Variants in BTBD9 observed in about 807,000 individuals in gnomAD.
The protein encoded by BTBD9 is BTB/POZ domain-containing protein 9.
In BTBD9, 49 loss-of-function variants were observed where a neutral mutation model predicts 64.3. That is an observed-to-expected ratio of 0.76 (90% CI 0.61 to 0.97). The LOEUF (loss-of-function observed/expected upper bound fraction) is 0.97, where lower values mean the gene tolerates loss of function less well. Among genes scored for constraint, BTBD9 ranks in the 50% least tolerant of loss-of-function variants. The pLI is 0.00. For synonymous variants in BTBD9, 260 were observed against 274.7 expected (o/e 0.95, Z 0.53); for missense variants, 598 against 762.1 (o/e 0.78, Z 2.53).
At chr6:38,226,641 T>G (rs1200163542) in intron 9 of BTBD9, among the ~76,000 whole-genome samples, 3 of 152,174 alleles carry the variant, frequency 2.0e-5, no homozygotes, top group Admixed American at 1.3e-4. Flanking sequence ...GGCAAGGTTT[T>G]TGACTCTGGA....
At chr6:38,239,686 C>T (rs564017330) in intron 9 of BTBD9, among the ~76,000 whole-genome samples, 3 of 152,226 alleles carry the variant, frequency 2.0e-5, no homozygotes, top group Non-Finnish European at 4.4e-5. Context: ...AACCATGACA[C>T]ATTTTGGTCA....
At chr6:38,331,039 T>C (rs1763654874) in intron 7 of BTBD9, among the ~76,000 whole-genome samples, 1 of 152,070 alleles carries the variant, frequency 6.6e-6, no homozygotes, top group Non-Finnish European at 1.5e-5. Flanking sequence ...AAAAAATGAC[T>C]GATAGGAATA....
At chr6:38,206,226 T>TG (rs1373434400) in intron 9 of BTBD9, among the ~76,000 whole-genome samples, 3 of 151,868 alleles carry the variant, frequency 2.0e-5, no homozygotes, top group Non-Finnish European at 4.4e-5. Context: ...AAGCAATTTT[T>TG]TTTTTTTGGA....
chr6:38,505,605 C>T (rs1406544965), intron 6 of BTBD9, among the ~76,000 whole-genome samples: 1 of 149,478 alleles, frequency 6.7e-6, no homozygotes, highest in Non-Finnish European at 1.5e-5. Context: ...GCCTGAGCGA[C>T]ACAGCGAGAC....
At chr6:38,232,038 C>T (rs1226640033) in intron 9 of BTBD9, among the ~76,000 whole-genome samples, 1 of 152,176 alleles carries the variant, frequency 6.6e-6, no homozygotes, top group Non-Finnish European at 1.5e-5. Context: ...AAGGAAAAAG[C>T]AGAGAAGAGT....
chr6:38,329,473 C>T (rs1379123143), intron 7 of BTBD9, among the ~76,000 whole-genome samples: 1 of 151,886 alleles, frequency 6.6e-6, no homozygotes, highest in East Asian at 2.0e-4. Flanking sequence ...CAGGGGCGTG[C>T]CACCACACCC....
intron 6 of BTBD9, among the ~76,000 whole-genome samples, chr6:38,507,499 C>T (rs1172748482): frequency 1.3e-5 from 2 of 152,194 alleles, no homozygotes; most frequent in Non-Finnish European, 2.9e-5. Context: ...CTCTTCTCTC[C>T]ATACCATCCA....
At chr6:38,580,523 T>C in intron 4 of BTBD9, 86 bp from the exon 5 acceptor site, 1 of 1,110,446 alleles carries the variant, frequency 9.0e-7, no homozygotes, top group Non-Finnish European at 1.3e-6. Context: ...AGCATTCCAG[T>C]TTATTCTAGT....
intron 2 of BTBD9, among the ~76,000 whole-genome samples, chr6:38,597,171 A>G (rs1364950465): frequency 6.6e-6 from 1 of 152,178 alleles, no homozygotes; most frequent in Non-Finnish European, 1.5e-5. Flanking sequence ...CTTAATTCTG[A>G]CTATAAAAGC....
intron 6 of BTBD9, among the ~76,000 whole-genome samples, chr6:38,576,923 T>C (rs1228455139): frequency 6.6e-6 from 1 of 152,126 alleles, no homozygotes; most frequent in Non-Finnish European, 1.5e-5. Context: ...AGGGAGAATA[T>C]GAAATATTAA....
At chr6:38,303,399 T>G (rs150722074) in intron 7 of BTBD9, among the ~76,000 whole-genome samples, 3 of 152,302 alleles carry the variant, frequency 2.0e-5, no homozygotes, top group African/African-American at 7.2e-5. Context: ...TGTATTTATG[T>G]TCTTTTGCAC....
At chr6:38,256,031 C>T (rs9369042) in intron 9 of BTBD9, among the ~76,000 whole-genome samples, 82,113 of 150,552 alleles carry the variant, frequency 0.55, 23,068 homozygotes, top group East Asian at 0.9. Flanking sequence ...ATCAAACCTG[C>T]ATATTGTGCA....
chr6:38,441,974 A>G (rs75503871), intron 6 of BTBD9, among the ~76,000 whole-genome samples: 110 of 152,304 alleles, frequency 7.2e-4, no homozygotes, highest in African/African-American at 2.5e-3. Context: ...TCTCTGATGC[A>G]TGAAGCCTTC....
intron 6 of BTBD9, among the ~76,000 whole-genome samples, chr6:38,454,757 T>C (rs891011754): frequency 8.6e-5 from 13 of 150,696 alleles, no homozygotes; most frequent in Non-Finnish European, 1.5e-4. Flanking sequence ...TGAATGATCA[T>C]GCCACTGTAT....
chr6:38,344,457 T>C (rs1030896836), intron 7 of BTBD9, among the ~76,000 whole-genome samples: 1 of 152,248 alleles, frequency 6.6e-6, no homozygotes, highest in Admixed American at 6.5e-5. Flanking sequence ...TCAGTCACTT[T>C]GGTCTTACTT....
intron 4 of BTBD9, chr6:38,587,398 A>G (rs1776582207): frequency 1.0e-5 from 5 of 497,510 alleles, no homozygotes; most frequent in Admixed American, 9.6e-5. Flanking sequence ...AAAAATTCCT[A>G]TTCATAATGA....
chr6:38,454,696 C>T (rs1053453083), intron 6 of BTBD9, among the ~76,000 whole-genome samples: 1 of 150,904 alleles, frequency 6.6e-6, no homozygotes, highest in Non-Finnish European at 1.5e-5. Context: ...TACTGGGAGG[C>T]TAAGGTGGGA....
At chr6:38,603,217 T>C (rs958205909) in intron 1 of BTBD9, among the ~76,000 whole-genome samples, 2 of 152,194 alleles carry the variant, frequency 1.3e-5, no homozygotes, top group South Asian at 4.1e-4. Context: ...CACGGTACCA[T>C]ACACAATTAT....
intron 7 of BTBD9, among the ~76,000 whole-genome samples, chr6:38,332,570 T>A (rs1043425428): frequency 6.6e-6 from 1 of 152,214 alleles, no homozygotes; most frequent in South Asian, 2.1e-4. Context: ...CTGCTGGGAA[T>A]AGACCCCTCA....
Sources: allele counts gnomAD v4.1 joint callset (sites outside exome capture counted in the v4.1 genomes callset), GRCh38; gene constraint gnomAD v4.1.1; transcripts MANE v1.5; gene names NCBI Gene and HGNC (gene_info 2026-07-23, HGNC 2026-07-21).